ADAMTS10: variants seen among roughly 807,000 people sequenced by gnomAD.
ADAMTS10 encodes ADAM metallopeptidase with thrombospondin type 1 motif 10, also known as A disintegrin and metalloproteinase with thrombospondin motifs 10.
Under a neutral mutation model 135.9 loss-of-function variants are expected in ADAMTS10, and 48 were observed. The observed-to-expected ratio is 0.35, with a 90% confidence interval of 0.28 to 0.45. ADAMTS10 has a LOEUF of 0.45. Among genes scored for constraint, ADAMTS10 ranks in the 20% least tolerant of loss-of-function variants. The pLI, the probability that ADAMTS10 is intolerant of heterozygous loss-of-function variation, is 1.00. For synonymous variants in ADAMTS10, 621 were observed against 647.5 expected (o/e 0.96, Z 0.62); for missense variants, 1,131 against 1,565.2 (o/e 0.72, Z 4.68).
At position 8,595,650 on chromosome 19, in the gene ADAMTS10, C is replaced by G. The variant is rs553285647; in HGVS notation, c.1479+112G>C. 1.2e-5 allele frequency: 19 copies of G among 1,538,564 alleles called. No individual in the cohort carries two copies. The African/African-American group carries it at 2.0e-4, about 17-fold the overall frequency. On this transcript the variant is annotated intron_variant, in intron 12 of 25. Transcript: ENST00000597188. The stretch of plus-strand genomic sequence containing the variant: ...CATGGGGGCTCACCTCACCCCCCTT[C>G]CCGGTTCTCCCACCCCCTCACTTCC...
intron 6 of ADAMTS10, among the ~76,000 whole-genome samples, chr19:8,599,646 A>C (rs2042641926): frequency 6.6e-6 from 1 of 151,338 alleles, no homozygotes; most frequent in Non-Finnish European, 1.5e-5. Flanking sequence ...CGATTTATTT[A>C]TTTATTTATG....
chr19:8,599,394 G>C (rs1415695236), intron 6 of ADAMTS10, among the ~76,000 whole-genome samples: 1 of 151,928 alleles, frequency 6.6e-6, no homozygotes. Flanking sequence ...GCAATGGTGC[G>C]ATCTTGGCTC....
chr19:8,580,519 G>A lies in ADAMTS10; in HGVS notation c.*374C>T, dbSNP rs910103517. ...GGCAGTGCTGGGGGGCAGGGCACCG[G>A]CAGACCACCTCCCCACCCCTACTCT... is the stretch of plus-strand genomic sequence containing the variant. On this transcript the variant is annotated 3_prime_UTR_variant, in exon 26 of 26. Transcript: ENST00000597188. 4.9e-6 allele frequency: 1 copy of A among 202,798 alleles called. No individual in the cohort carries two copies. Among genetic ancestry groups the A allele is most frequent in the Admixed American group, 5.5e-5 (1 of 18,076 alleles). The allele number at this position is 202,798 out of a possible 1,614,324, so 12.6% of individuals were successfully genotyped here. A position where few individuals can be genotyped will look rare whatever the true frequency, so the allele number is the denominator to read the frequency against.
At chr19:8,586,071 G>A (rs553593479) in intron 22 of ADAMTS10, 51 bp downstream of exon 22, 1 of 1,611,326 alleles carries the variant, frequency 6.2e-7, no homozygotes, top group East Asian at 2.2e-5. Flanking sequence ...CTTGACTCCA[G>A]GGAGTACTCT....
At chr19:8,606,896 G>A (rs2042727552) in intron 2 of ADAMTS10, among the ~76,000 whole-genome samples, 1 of 152,140 alleles carries the variant, frequency 6.6e-6, no homozygotes, top group East Asian at 1.9e-4. Context: ...TTCAGATTGT[G>A]ACATGTTCTC....
intron 25 of ADAMTS10, 50 bp from the exon 26 acceptor site, chr19:8,581,052 C>G (rs781862791): frequency 9.5e-6 from 13 of 1,364,688 alleles, no homozygotes; most frequent in Non-Finnish European, 1.3e-5. Flanking sequence ...CTGCCCTCCC[C>G]GCAGGGCTGC....
Position 8,605,469 on chromosome 19 carries a change from C to A in ADAMTS10, c.89-111G>T, listed in dbSNP as rs986882896. The stretch of plus-strand genomic sequence containing the variant: ...TGCTGGCCTCACTGACCCCCGAAAT[C>A]CAGGGAGTTGGCTGCAAGGCTCCCG... On this transcript the variant is annotated intron_variant, in intron 3 of 25. Coordinates refer to ENST00000597188, the MANE Select transcript of ADAMTS10 (RefSeq NM_030957.4). This position sits in a 1 kb window ranked among gnomAD's most constrained non-coding sequence, Gnocchi z 7.7. The A allele has an allele frequency of 1.1e-5, 16 of 1,470,888 alleles. 1 individual carries two copies. Among genetic ancestry groups the A allele is most frequent in the East Asian group, 4.9e-5 (2 of 40,554 alleles). The allele number at this position is 1,470,888 out of a possible 1,614,324, so 91.1% of individuals were successfully genotyped here. A position where few individuals can be genotyped will look rare whatever the true frequency, so the allele number is the denominator to read the frequency against.
In ADAMTS10 at chr19:8,610,715, G is replaced by C. The variant is rs1217754682; in HGVS notation, c.-286C>G. The C allele has an allele frequency of 6.7e-6, 1 of 150,182 alleles. No individual in the cohort carries two copies. Among genetic ancestry groups the C allele is most frequent in the Non-Finnish European group, 1.5e-5 (1 of 67,456 alleles). 9.3% of individuals were successfully genotyped at this position (150,182 alleles called of 1,614,324 possible). On this transcript the variant is annotated 5_prime_UTR_variant, in exon 1 of 26. Coordinates refer to ENST00000597188, the MANE Select transcript of ADAMTS10 (RefSeq NM_030957.4). ...CGCCCCGCGCGCGCAGGAAGGGAGG[G>C]AGCGAGCGAGCGCGGCGGCGTGGCC... is the stretch of plus-strand genomic sequence containing the variant.
Position 8,589,246 on chromosome 19 carries a change from C to T in ADAMTS10, c.2154G>A (p.Gly718=), listed in dbSNP as rs112185875. 563 of 1,612,688 alleles carry T rather than the reference C, an allele frequency of 3.5e-4. 4 individuals carry two copies. In the African/African-American group the frequency reaches 6.7e-3, roughly 19 times the overall value. Residue 718 remains glycine, a synonymous_variant, in exon 18 of 26, where the codon GGG becomes GGA. Coordinates refer to ENST00000597188, the MANE Select transcript of ADAMTS10 (RefSeq NM_030957.4). ...IEGVFSPASP[G]AGYEDVVWIP... is the part of the protein sequence containing the mutation. ...AGGGAAGCTGGAGACTCTCACCGGCCCCAGGTGAGGCTGGGCTGAAGACGC... is the reference window on the plus strand; with the variant it reads ...AGGGAAGCTGGAGACTCTCACCGGCTCCAGGTGAGGCTGGGCTGAAGACGC...
rs2042485187 is a variant in ADAMTS10, at chr19:8,589,301, C to A, written c.2099G>T (p.Gly700Val). ...LREDKCRVCG[G>V]DGSACETIEG... is the part of the protein sequence containing the mutation. ...GATGGTCTCGCAGGCACTGCCGTCA[C>A]CGCCACACACTCGGCACTTGTCCTC... Residue 700 changes from glycine to valine, a missense_variant, in exon 18 of 26, where the codon GGT (glycine) becomes GTT (valine). Around this residue, in one of 3 missense-constraint regions of ADAMTS10, gnomAD observed 745 missense variants for 1,056.3 expected, o/e 0.71. Transcript: ENST00000597188. 6.2e-7 allele frequency: 1 copy of A among 1,612,588 alleles called. No homozygotes were observed.
chr19:8,604,717 C>T (rs1270979693), intron 4 of ADAMTS10, among the ~76,000 whole-genome samples: 2 of 151,860 alleles, frequency 1.3e-5, no homozygotes, highest in Admixed American at 1.3e-4. Context: ...AACTCCTGAC[C>T]TCAAGTGATC....
intron 4 of ADAMTS10, chr19:8,604,808 T>G: frequency 1.6e-6 from 1 of 637,904 alleles, no homozygotes. Flanking sequence ...AGATTGATGT[T>G]TAGCTCATTA....
intron 14 of ADAMTS10, 24 bp downstream of exon 14, chr19:8,591,934 C>T (rs113057037): frequency 1.9e-6 from 3 of 1,611,572 alleles, no homozygotes. Context: ...GCTGCCCTCC[C>T]GGGTGGGGGT....
In ADAMTS10 at chr19:8,589,242, C is replaced by A. The variant is rs368873893; in HGVS notation, c.2158G>T (p.Gly720Trp). Reference protein sequence around the residue: ...GVFSPASPGAGYEDVVWIPKG... With the variant: ...GVFSPASPGAWYEDVVWIPKG... ...TGGGAGGGAAGCTGGAGACTCTCAC[C>A]GGCCCCAGGTGAGGCTGGGCTGAAG... Residue 720 changes from glycine (G) to tryptophan (W), a missense_variant and splice_region_variant, in exon 18 of 26, where the codon GGG becomes TGG. Coordinates refer to ENST00000597188, the MANE Select transcript of ADAMTS10 (RefSeq NM_030957.4). The A allele has an allele frequency of 3.3e-5, 53 of 1,612,464 alleles. No individual in the cohort carries two copies. The highest frequency in any genetic ancestry group is 1.7e-4 in the Middle Eastern group (1 of 6,044).
At chr19:8,588,130 C>T (rs1435908123) in intron 18 of ADAMTS10, among the ~76,000 whole-genome samples, 1 of 152,004 alleles carries the variant, frequency 6.6e-6, no homozygotes, top group Non-Finnish European at 1.5e-5. Flanking sequence ...TGTCTGTAGT[C>T]TCAGCTACTT....
chr19:8,591,337 C>T (rs1441653386), intron 15 of ADAMTS10, among the ~76,000 whole-genome samples: 10 of 144,022 alleles, frequency 6.9e-5, no homozygotes, highest in Non-Finnish European at 1.1e-4. Flanking sequence ...GGGTTGGGGA[C>T]GAGAAGGTGG....
intron 25 of ADAMTS10, among the ~76,000 whole-genome samples, chr19:8,584,270 CCA>C (rs2042393622): frequency 6.6e-6 from 1 of 151,914 alleles, no homozygotes; most frequent in African/African-American, 2.4e-5. Flanking sequence ...ATTTTGACCC[CCA>C]GGGGACATTG....
intron 13 of ADAMTS10, 99 bp downstream of exon 13, chr19:8,592,664 G>A (rs1033840630): frequency 2.9e-5 from 35 of 1,223,220 alleles, no homozygotes; most frequent in South Asian, 2.3e-4. Context: ...AATGTGGGAG[G>A]GAGCAGATAA....
intron 2 of ADAMTS10, among the ~76,000 whole-genome samples, chr19:8,606,854 T>G (rs2042727243): frequency 6.6e-6 from 1 of 151,926 alleles, no homozygotes; most frequent in South Asian, 2.1e-4. Context: ...CTCTTAGGAG[T>G]GACAGATGAC....
Sources: allele counts gnomAD v4.1 joint callset (sites outside exome capture counted in the v4.1 genomes callset), GRCh38; gene constraint gnomAD v4.1.1; regional missense constraint gnomAD v4.1.1; non-coding constraint Gnocchi (gnomAD v3.1); transcripts MANE v1.5; gene names NCBI Gene and HGNC (gene_info 2026-07-23, HGNC 2026-07-21).